Variants in MRPS28 observed in about 807,000 individuals in gnomAD.
MRPS28 encodes the protein small ribosomal subunit protein bS1m.
In MRPS28, 7 loss-of-function variants were observed where a neutral mutation model predicts 10.8. The ratio of observed to expected loss-of-function variants is 0.65; its 90% CI spans 0.37 to 1.22. The LOEUF (loss-of-function observed/expected upper bound fraction) is 1.22, where lower values mean the gene tolerates loss of function less well. Ranked by LOEUF, MRPS28 falls within the 50% of genes most tolerant of loss-of-function variation. The pLI is 0.02. For synonymous variants in MRPS28, 121 were observed against 93.3 expected (o/e 1.30, Z -1.71); for missense variants, 265 against 232.9 (o/e 1.14, Z -0.90).
rs139136942 is a variant in MRPS28 at position 80,021,265 on chromosome 8, C to T, written c.213+8771G>A. 2.2e-4 allele frequency among the ~76,000 whole-genome samples: 34 copies of T among 152,144 alleles called. No homozygotes were observed. In the East Asian group the frequency reaches 6.2e-3, roughly 28 times the overall value. On this transcript the variant is annotated intron_variant, in intron 1 of 2. Coordinates refer to ENST00000276585, the MANE Select transcript of MRPS28 (RefSeq NM_014018.3). ...TTCCGCCCACCTTGGTCTCCCAAAG[C>T]GCTGGGATTACAGGTGTGAGCCACT...
chr8:79,933,542 G>A (rs1224482109), intron 2 of MRPS28, among the ~76,000 whole-genome samples: 1 of 152,160 alleles, frequency 6.6e-6, no homozygotes. Flanking sequence ...GCACACAAAT[G>A]TTCAATTTAT....
chr8:79,982,208 C>T (rs1209473319), intron 2 of MRPS28, among the ~76,000 whole-genome samples: 1 of 152,170 alleles, frequency 6.6e-6, no homozygotes, highest in Non-Finnish European at 1.5e-5. Flanking sequence ...GATCGCACCA[C>T]TGCATTCCAG....
At chr8:79,957,165 C>T (rs1394599288) in intron 2 of MRPS28, 1 of 152,124 alleles carries the variant, frequency 6.6e-6, no homozygotes, top group Admixed American at 6.6e-5. Context: ...CTGCCACATT[C>T]TGTTTTTTCT....
At chr8:80,005,452 C>T (rs560067471) in intron 1 of MRPS28, among the ~76,000 whole-genome samples, 9 of 152,228 alleles carry the variant, frequency 5.9e-5, no homozygotes, top group African/African-American at 1.7e-4. Context: ...ATTTTGTCAC[C>T]ACCAGGCCTG....
At chr8:79,986,820 G>T (rs1014002866) in intron 2 of MRPS28, among the ~76,000 whole-genome samples, 9 of 152,142 alleles carry the variant, frequency 5.9e-5, no homozygotes, top group Admixed American at 1.3e-4. Flanking sequence ...TGGGTAGGAA[G>T]AATCAATATC....
intron 2 of MRPS28, among the ~76,000 whole-genome samples, chr8:79,977,339 A>G (rs1008417684): frequency 8.5e-5 from 13 of 152,320 alleles, no homozygotes; most frequent in Admixed American, 2.6e-4. Context: ...AAAAATAATA[A>G]TAACAGAAAT....
At chr8:80,011,398 G>T (rs568307654) in intron 1 of MRPS28, among the ~76,000 whole-genome samples, 1 of 109,470 alleles carries the variant, frequency 9.1e-6, no homozygotes, top group Non-Finnish European at 1.8e-5. Context: ...TTCTTTTTTC[G>T]CTTTGGCTAT....
intron 2 of MRPS28, among the ~76,000 whole-genome samples, chr8:79,996,294 T>A (rs1470256972): frequency 6.6e-6 from 1 of 152,198 alleles, no homozygotes; most frequent in Non-Finnish European, 1.5e-5. Context: ...ACAATTATGA[T>A]ACAGATCCAT....
chr8:80,006,430 C>T (rs1808848129), intron 1 of MRPS28, among the ~76,000 whole-genome samples: 3 of 152,154 alleles, frequency 2.0e-5, no homozygotes, highest in Admixed American at 6.5e-5. Flanking sequence ...CAGAGCAGAA[C>T]TGAAGGAGAC....
chr8:80,004,587 C>G (rs972363487), intron 1 of MRPS28, among the ~76,000 whole-genome samples: 1 of 152,212 alleles, frequency 6.6e-6, no homozygotes, highest in Admixed American at 6.5e-5. Flanking sequence ...GCCTCTCCCC[C>G]TCCAAAGGAA....
intron 2 of MRPS28, among the ~76,000 whole-genome samples, chr8:79,946,780 A>G (rs557694317): frequency 6.6e-6 from 1 of 152,192 alleles, no homozygotes; most frequent in Non-Finnish European, 1.5e-5. Flanking sequence ...GGTTTGCAAA[A>G]TGATTATTTT....
intron 1 of MRPS28, among the ~76,000 whole-genome samples, chr8:80,024,099 G>A (rs947441605): frequency 4.6e-5 from 7 of 152,014 alleles, no homozygotes; most frequent in African/African-American, 1.4e-4. Flanking sequence ...GCATGGTGAC[G>A]CACAGCTATG....
At chr8:79,990,405 A>G (rs1586081454) in intron 2 of MRPS28, among the ~76,000 whole-genome samples, 1 of 152,014 alleles carries the variant, frequency 6.6e-6, no homozygotes, top group Admixed American at 6.6e-5. Flanking sequence ...CTGGATTACA[A>G]CAGTCTCAGA....
chr8:79,971,751 G>A (rs769486850), intron 2 of MRPS28, among the ~76,000 whole-genome samples: 17 of 152,146 alleles, frequency 1.1e-4, no homozygotes, highest in Non-Finnish European at 2.5e-4. Flanking sequence ...AGGCTGGAGT[G>A]CAGTGGTGCG....
chr8:79,995,242 A>C (rs1304987182), intron 2 of MRPS28, among the ~76,000 whole-genome samples: 1 of 152,186 alleles, frequency 6.6e-6, no homozygotes, highest in Admixed American at 6.5e-5. Flanking sequence ...GAAAAATCTT[A>C]TCATGCCCAG....
intron 2 of MRPS28, among the ~76,000 whole-genome samples, chr8:79,999,048 T>C (rs1238310431): frequency 1.3e-5 from 2 of 152,184 alleles, no homozygotes; most frequent in African/African-American, 4.8e-5. Context: ...AGAAAATAGT[T>C]CTCTAAAAGG....
At chr8:79,957,304 T>C (rs1161678343) in intron 2 of MRPS28, 2 of 152,166 alleles carry the variant, frequency 1.3e-5, no homozygotes, top group Non-Finnish European at 2.9e-5. Context: ...TGACATCATG[T>C]AGCATGCTGC....
chr8:79,985,185 T>C (rs1346582824), intron 2 of MRPS28, among the ~76,000 whole-genome samples: 4 of 152,038 alleles, frequency 2.6e-5, no homozygotes, highest in Non-Finnish European at 4.4e-5. Context: ...ACTGGGTACA[T>C]AACGAAATGA....
At chr8:79,947,191 A>G (rs964801118) in intron 2 of MRPS28, among the ~76,000 whole-genome samples, 1 of 152,210 alleles carries the variant, frequency 6.6e-6, no homozygotes, top group Non-Finnish European at 1.5e-5. Flanking sequence ...TGGCAGTAAC[A>G]ACAACAATGA....
Sources: allele counts gnomAD v4.1 joint callset (sites outside exome capture counted in the v4.1 genomes callset), GRCh38; gene constraint gnomAD v4.1.1; transcripts MANE v1.5; gene names NCBI Gene and HGNC (gene_info 2026-07-23, HGNC 2026-07-21).